Variants in NEGR1 observed in about 807,000 individuals in gnomAD.
NEGR1 encodes IgLON family member 4.
A neutral mutation model predicts 40.9 loss-of-function variants in NEGR1; 10 were observed. The ratio of observed to expected loss-of-function variants is 0.24; its 90% CI spans 0.15 to 0.42. The LOEUF (loss-of-function observed/expected upper bound fraction) is 0.42, where lower values mean the gene tolerates loss of function less well. Ranked by LOEUF, NEGR1 falls within the 10% of genes least tolerant of loss-of-function variation. The probability of loss-of-function intolerance (pLI) is 1.00; values close to 1 mark genes in which losing one functional copy is unlikely to be tolerated. For synonymous variants in NEGR1, 185 were observed against 166.8 expected, an observed-to-expected ratio of 1.11 and a Z score of -0.84; for missense variants, 352 against 438.9, an observed-to-expected ratio of 0.80 and a Z score of 1.77.
chr1:71,949,492 A>G (rs569399367), intron 1 of NEGR1, among the ~76,000 whole-genome samples: 11 of 152,286 alleles, frequency 7.2e-5, no homozygotes, highest in Non-Finnish European at 1.3e-4. Context: ...GTACTTAAAA[A>G]ATAGTTTTTT....
intron 6 of NEGR1, among the ~76,000 whole-genome samples, chr1:71,513,816 G>C (rs1029155553): frequency 1.1e-4 from 17 of 151,108 alleles, no homozygotes; most frequent in Admixed American, 1.1e-3. Flanking sequence ...GAGGTACCGG[G>C]TTCATCTCAC....
intron 5 of NEGR1, among the ~76,000 whole-genome samples, chr1:71,600,335 G>C (rs1649874995): frequency 6.6e-6 from 1 of 152,214 alleles, no homozygotes; most frequent in African/African-American, 2.4e-5. Flanking sequence ...GGTAGATTTA[G>C]AGCTTAGCAG....
intron 1 of NEGR1, among the ~76,000 whole-genome samples, chr1:72,142,871 T>C (rs115940302): frequency 0.012 from 1,898 of 151,982 alleles, 18 homozygotes; most frequent in Middle Eastern, 0.037. Context: ...TTAGAATGTA[T>C]CTAATACATT....
chr1:71,628,979 G>A (rs777493385), intron 4 of NEGR1, among the ~76,000 whole-genome samples: 29 of 152,066 alleles, frequency 1.9e-4, no homozygotes, highest in South Asian at 4.1e-4. Flanking sequence ...AGATGCTTGA[G>A]GAATCACCAC....
intron 4 of NEGR1, among the ~76,000 whole-genome samples, chr1:71,647,190 C>T (rs1231960375): frequency 5.9e-5 from 9 of 151,822 alleles, no homozygotes; most frequent in African/African-American, 1.9e-4. Context: ...AGCCCTGAGC[C>T]TAACCCACAG....
At chr1:72,085,036 T>G (rs1648158511) in intron 1 of NEGR1, among the ~76,000 whole-genome samples, 1 of 152,206 alleles carries the variant, frequency 6.6e-6, no homozygotes. Context: ...GAGCACATTT[T>G]CAAAGCTCAA....
At chr1:71,436,482 T>G (rs1646510759) in intron 6 of NEGR1, among the ~76,000 whole-genome samples, 1 of 152,208 alleles carries the variant, frequency 6.6e-6, no homozygotes, top group Non-Finnish European at 1.5e-5. Context: ...TTGTTTGTTT[T>G]TATAATATTA....
chr1:71,907,798 C>T (rs920918980), intron 2 of NEGR1, among the ~76,000 whole-genome samples: 1 of 151,786 alleles, frequency 6.6e-6, no homozygotes, highest in African/African-American at 2.4e-5. Flanking sequence ...GGTACATACA[C>T]CCCCCATGGA....
At chr1:71,964,625 A>G (rs577622077) in intron 1 of NEGR1, among the ~76,000 whole-genome samples, 1 of 152,176 alleles carries the variant, frequency 6.6e-6, no homozygotes, top group Admixed American at 6.5e-5. Flanking sequence ...AGCCAACCTC[A>G]CTGTGTTCTC....
In NEGR1 at chr1:71,937,183, C is replaced by T. The variant is rs566111357; in HGVS notation, c.177-1872G>A. Among the ~76,000 whole-genome samples, 8 of 152,000 alleles carry T rather than the reference C, an allele frequency of 5.3e-5. No homozygotes were observed. The South Asian group carries it at 6.2e-4, about 12-fold the overall frequency. On this transcript the variant is annotated intron_variant, in intron 1 of 6. Coordinates refer to ENST00000357731, the MANE Select transcript of NEGR1 (RefSeq NM_173808.3). ...GCTTTGCCATCTACAGAAACCAAAACGGAAGTCATAAAGGTCACTGTTAAT... is the reference window on the plus strand; with the variant it reads ...GCTTTGCCATCTACAGAAACCAAAATGGAAGTCATAAAGGTCACTGTTAAT...
At chr1:71,476,103 A>G (rs1227774380) in intron 6 of NEGR1, among the ~76,000 whole-genome samples, 2 of 151,904 alleles carry the variant, frequency 1.3e-5, no homozygotes, top group Non-Finnish European at 2.9e-5. Context: ...ACACTTAAAT[A>G]CTCTTAATAT....
chr1:71,835,025 T>TTA (rs1318329983), intron 2 of NEGR1, among the ~76,000 whole-genome samples: 1 of 152,080 alleles, frequency 6.6e-6, no homozygotes, highest in Non-Finnish European at 1.5e-5. Context: ...GCTGGACTGA[T>TTA]TACAGCTAGG....
chr1:71,581,763 C>T (rs1030034621), intron 6 of NEGR1, among the ~76,000 whole-genome samples: 4 of 150,172 alleles, frequency 2.7e-5, no homozygotes, highest in Admixed American at 6.6e-5. Context: ...AGTGCAGTGG[C>T]GTGTTCTCGG....
chr1:71,604,039 C>T (rs760408662), intron 5 of NEGR1, among the ~76,000 whole-genome samples: 7 of 152,136 alleles, frequency 4.6e-5, no homozygotes, highest in Non-Finnish European at 1.0e-4. Context: ...TAGAGAGATG[C>T]TCATACTATC....
intron 6 of NEGR1, among the ~76,000 whole-genome samples, chr1:71,476,315 T>A (rs1028288974): frequency 3.9e-5 from 6 of 152,134 alleles, no homozygotes; most frequent in African/African-American, 7.2e-5. Context: ...ACTGTCATTT[T>A]TGACAACAAA....
chr1:71,536,004 A>G (rs1647497830), intron 6 of NEGR1, among the ~76,000 whole-genome samples: 1 of 151,632 alleles, frequency 6.6e-6, no homozygotes, highest in African/African-American at 2.4e-5. Context: ...GTTATTTCTT[A>G]TTATTACTTA....
chr1:71,426,430 A>G (rs1271347170), intron 6 of NEGR1, among the ~76,000 whole-genome samples: 4 of 152,210 alleles, frequency 2.6e-5, no homozygotes, highest in Admixed American at 1.3e-4. Context: ...TTGCTCCTTT[A>G]GATTATAATA....
chr1:71,829,690 G>A (rs1323356221), intron 2 of NEGR1, among the ~76,000 whole-genome samples: 2 of 151,672 alleles, frequency 1.3e-5, no homozygotes, highest in African/African-American at 2.4e-5. Context: ...TAAACAAAAC[G>A]AAACAGAAAC....
chr1:72,151,451 A>G (rs1202117147), intron 1 of NEGR1, among the ~76,000 whole-genome samples: 1 of 151,736 alleles, frequency 6.6e-6, no homozygotes, highest in East Asian at 1.9e-4. Context: ...TAAACAAGAA[A>G]TGATAATACA....
Sources: gnomAD v4.1 joint callset for allele counts (sites outside exome capture counted in the v4.1 genomes callset) on GRCh38, gnomAD v4.1.1 for gene constraint, MANE v1.5 for transcripts, NCBI Gene and HGNC (gene_info 2026-07-23, HGNC 2026-07-21) for gene names.